LGSN: variants seen among roughly 807,000 people sequenced by gnomAD.
The protein encoded by LGSN is lengsin.
LGSN carries 21 observed loss-of-function variants against 19.5 expected under a neutral mutation model. The observed-to-expected ratio is 1.07, with a 90% CI of 0.76 to 1.55. LGSN has a LOEUF of 1.55. Among genes scored for constraint, LGSN ranks in the 40% most tolerant of loss-of-function variants. The pLI is 0.00. For missense variants in LGSN, 673 were observed against 608.5 expected (o/e 1.11, Z -1.12); for synonymous variants, 257 against 215.6 (o/e 1.19, Z -1.68).
At chr6:63,283,442 A>T (rs1452246302) in intron 3 of LGSN, among the ~76,000 whole-genome samples, 1 of 152,124 alleles carries the variant, frequency 6.6e-6, no homozygotes, top group African/African-American at 2.4e-5. Context: ...TCCTGTAGCA[A>T]TATATCATAA....
the LGSN span, among the ~76,000 whole-genome samples, chr6:63,460,860 C>G: frequency 5.9e-5 from 9 of 152,240 alleles, no homozygotes; most frequent in East Asian, 1.7e-3. Context: ...TCCTGTTGCC[C>G]TTGACACCCA....
chr6:63,453,177 C>A, the LGSN span, among the ~76,000 whole-genome samples: 1 of 151,920 alleles, frequency 6.6e-6, no homozygotes, highest in African/African-American at 2.4e-5. Context: ...TATCTCAATT[C>A]AGTTAAGTTT....
chr6:63,502,206 T>C, the LGSN span, among the ~76,000 whole-genome samples: 1 of 152,174 alleles, frequency 6.6e-6, no homozygotes, highest in Non-Finnish European at 1.5e-5. Flanking sequence ...AGGAAATACT[T>C]TGGAAATACT....
chr6:63,361,642 C>T, the LGSN span, among the ~76,000 whole-genome samples: 4 of 151,848 alleles, frequency 2.6e-5, no homozygotes, highest in Non-Finnish European at 2.9e-5. Flanking sequence ...AGCTCAGGCT[C>T]GGTGCACTGC....
the LGSN span, among the ~76,000 whole-genome samples, chr6:63,523,069 T>C: frequency 6.6e-5 from 10 of 151,986 alleles, no homozygotes; most frequent in Non-Finnish European, 2.9e-5. Context: ...TTCACCTTTT[T>C]TGGCCAGGCT....
At chr6:63,531,543 T>C in the LGSN span, among the ~76,000 whole-genome samples, 3 of 145,614 alleles carry the variant, frequency 2.1e-5, no homozygotes, top group African/African-American at 5.1e-5. Flanking sequence ...GTAAATGCAG[T>C]GGTGCCTGCC....
intron 1 of LGSN, among the ~76,000 whole-genome samples, chr6:63,315,616 CTCTGTG>C (rs767146182): frequency 1.5e-3 from 170 of 114,750 alleles, no homozygotes; most frequent in Admixed American, 6.0e-3. Flanking sequence ...CTCTCTCTCT[CTCTGTG>C]TGTGTGTGTG....
the LGSN span, among the ~76,000 whole-genome samples, chr6:63,457,962 C>T: frequency 2.0e-5 from 3 of 152,138 alleles, no homozygotes; most frequent in Admixed American, 2.0e-4. Context: ...CTACAAGGCA[C>T]TAGGTTGGAA....
At chr6:63,508,870 G>C in the LGSN span, among the ~76,000 whole-genome samples, 1 of 148,150 alleles carries the variant, frequency 6.7e-6, no homozygotes, top group African/African-American at 2.5e-5. Context: ...AGTGAGCCGA[G>C]ATTGGGCCAT....
chr6:63,416,463 A>T, the LGSN span, among the ~76,000 whole-genome samples: 1 of 152,260 alleles, frequency 6.6e-6, no homozygotes, highest in Non-Finnish European at 1.5e-5. Context: ...AATGAAATTT[A>T]AAATTCTTAG....
the LGSN span, among the ~76,000 whole-genome samples, chr6:63,562,418 C>T: frequency 2.2e-3 from 339 of 152,196 alleles, no homozygotes; most frequent in Non-Finnish European, 2.2e-3. Context: ...AGGCTGGTCT[C>T]GAACTCCCGA....
the LGSN span, among the ~76,000 whole-genome samples, chr6:63,407,003 C>T: frequency 4.6e-5 from 7 of 152,276 alleles, no homozygotes; most frequent in African/African-American, 1.7e-4. Flanking sequence ...TCTGAATAGA[C>T]CAATAACAGG....
At chr6:63,460,100 C>CTTTT in the LGSN span, among the ~76,000 whole-genome samples, 99 of 56,128 alleles carry the variant, frequency 1.8e-3, 2 homozygotes, top group African/African-American at 4.0e-3. Context: ...ATTTCATTCC[C>CTTTT]TTTTTTTTTT....
the LGSN span, among the ~76,000 whole-genome samples, chr6:63,426,098 G>C: frequency 3.9e-5 from 6 of 152,142 alleles, no homozygotes; most frequent in South Asian, 6.2e-4. Flanking sequence ...AACTTGACAT[G>C]ATAAGAAAAT....
chr6:63,417,717 G>A, the LGSN span, among the ~76,000 whole-genome samples: 1 of 152,158 alleles, frequency 6.6e-6, no homozygotes, highest in African/African-American at 2.4e-5. Context: ...ATGTGTAGCT[G>A]TTAGAGGTTG....
chr6:63,443,552 T>C, the LGSN span: 1 of 980,606 alleles, frequency 1.0e-6, no homozygotes, highest in Non-Finnish European at 1.3e-6. Context: ...TGCACCACCA[T>C]GAGATCCTCC....
chr6:63,426,936 C>G, the LGSN span, among the ~76,000 whole-genome samples: 1 of 152,142 alleles, frequency 6.6e-6, no homozygotes, highest in African/African-American at 2.4e-5. Flanking sequence ...TCTTTTCATC[C>G]TTGATATCTT....
At chr6:63,554,613 C>T in the LGSN span, among the ~76,000 whole-genome samples, 1 of 152,128 alleles carries the variant, frequency 6.6e-6, no homozygotes. Flanking sequence ...GCCTGGCCAA[C>T]ATGGTGAAAC....
rs1230864498 is a variant in LGSN at position 63,281,318 on chromosome 6, T to TATATATATATAC, written c.331-99_331-98insGTATATATATAT. Reference sequence around the variant, plus strand: ...TTGCTAATGAAAATATATATATATATATATATATATATAATAAATATATAT... The same window carrying TATATATATATAC: ...TTGCTAATGAAAATATATATATATATATATATATATACATATATATATATAATAAATATATAT... On this transcript the variant is annotated intron_variant, in intron 3 of 3. Transcript: ENST00000370657. 4.6e-3 allele frequency: 762 copies of TATATATATATAC among 166,676 alleles called. 14 individuals are homozygous for TATATATATATAC. Among genetic ancestry groups the TATATATATATAC allele is most frequent in the African/African-American group, 0.018 (717 of 40,370 alleles). The allele number at this position is 166,676 out of a possible 1,614,324, so 10.3% of individuals were successfully genotyped here.
Sources: allele counts gnomAD v4.1 joint callset (sites outside exome capture counted in the v4.1 genomes callset), GRCh38; gene constraint gnomAD v4.1.1; transcripts MANE v1.5; gene names NCBI Gene and HGNC (gene_info 2026-07-23, HGNC 2026-07-21).